ELOVL5: variants seen among roughly 807,000 people sequenced by gnomAD.
ELOVL5 encodes the protein ELOVL fatty acid elongase 5, also known as very long chain fatty acid elongase 5.
A neutral mutation model predicts 38.6 loss-of-function variants in ELOVL5; 8 were observed. The observed-to-expected ratio is 0.21, with a 90% CI of 0.12 to 0.37. The LOEUF (loss-of-function observed/expected upper bound fraction) is 0.37. Among genes scored for constraint, ELOVL5 ranks in the 10% least tolerant of loss-of-function variants. The pLI is 1.00. For missense variants in ELOVL5, 280 were observed against 367.8 expected (o/e 0.76, Z 1.95); for synonymous variants, 127 against 133.7 (o/e 0.95, Z 0.34).
At chr6:53,320,948 C>G (rs1202298210) in intron 1 of ELOVL5, among the ~76,000 whole-genome samples, 1 of 152,064 alleles carries the variant, frequency 6.6e-6, no homozygotes, top group African/African-American at 2.4e-5. Context: ...AGTAAGGTGG[C>G]CAGAAGGATC....
At chr6:53,298,015 A>G (rs922273958) in intron 1 of ELOVL5, among the ~76,000 whole-genome samples, 4 of 152,362 alleles carry the variant, frequency 2.6e-5, no homozygotes, top group Admixed American at 2.6e-4. Context: ...AGGTGGGTTC[A>G]GGAAGAGCAC....
At chr6:53,271,437 C>T (rs1464713047) in intron 6 of ELOVL5, among the ~76,000 whole-genome samples, 1 of 152,152 alleles carries the variant, frequency 6.6e-6, no homozygotes, top group Non-Finnish European at 1.5e-5. Context: ...GTAGTCCCAG[C>T]TACTTGGGAG....
intron 1 of ELOVL5, among the ~76,000 whole-genome samples, chr6:53,339,025 A>T (rs972099181): frequency 3.4e-5 from 5 of 146,088 alleles, no homozygotes; most frequent in Non-Finnish European, 7.6e-5. Flanking sequence ...ACAAAAACAC[A>T]TTTCTTTTTT....
intron 3 of ELOVL5, among the ~76,000 whole-genome samples, chr6:53,283,838 T>C (rs552851769): frequency 5.3e-5 from 8 of 152,272 alleles, no homozygotes; most frequent in African/African-American, 1.9e-4. Context: ...CTTGATAAAA[T>C]ATTATTCAAG....
chr6:53,346,907 T>C (rs1022726908), intron 1 of ELOVL5, among the ~76,000 whole-genome samples: 1 of 152,178 alleles, frequency 6.6e-6, no homozygotes, highest in Non-Finnish European at 1.5e-5. Context: ...AGCTGTTGAT[T>C]TCAGGGAATG....
chr6:53,332,110 C>T (rs1768830141), intron 1 of ELOVL5, among the ~76,000 whole-genome samples: 2 of 152,190 alleles, frequency 1.3e-5, no homozygotes, highest in South Asian at 4.1e-4. Flanking sequence ...GACCCAAACA[C>T]CTCCGAGTAG....
At chr6:53,331,455 G>C (rs1768799197) in intron 1 of ELOVL5, among the ~76,000 whole-genome samples, 1 of 152,166 alleles carries the variant, frequency 6.6e-6, no homozygotes, top group African/African-American at 2.4e-5. Flanking sequence ...TACTTTTATA[G>C]AATTAGCAGT....
At chr6:53,283,812 A>C (rs1041708376) in intron 3 of ELOVL5, among the ~76,000 whole-genome samples, 1 of 152,232 alleles carries the variant, frequency 6.6e-6, no homozygotes, top group Admixed American at 6.5e-5. Flanking sequence ...ATAACTGTTA[A>C]TCTAGAATTC....
In ELOVL5 at chr6:53,288,059, G is replaced by A. The variant is rs936582865; in HGVS notation, c.246+3717C>T. The A allele has an allele frequency of 1.5e-5, 13 of 852,258 alleles. No homozygotes were observed. The African/African-American group carries it at 2.2e-4, about 14-fold the overall frequency. 52.8% of individuals were successfully genotyped at this position (852,258 alleles called of 1,614,324 possible). On this transcript the variant is annotated intron_variant, in intron 3 of 7. Transcript: ENST00000304434. ...TGAGGACAGAGCATCTGCCTAAGAG[G>A]GAAACCACCTGTAACACTCTAACAA...
chr6:53,307,063 T>C (rs1419386702), intron 1 of ELOVL5, among the ~76,000 whole-genome samples: 1 of 152,252 alleles, frequency 6.6e-6, no homozygotes, highest in Non-Finnish European at 1.5e-5. Context: ...TCAGAATGAC[T>C]GCTTTTCAGG....
At chr6:53,316,015 C>T (rs1189118261) in intron 1 of ELOVL5, among the ~76,000 whole-genome samples, 1 of 152,194 alleles carries the variant, frequency 6.6e-6, no homozygotes, top group South Asian at 2.1e-4. Flanking sequence ...AGTTTCCCAA[C>T]TCATAAACAT....
At chr6:53,305,566 T>G (rs1168808113) in intron 1 of ELOVL5, among the ~76,000 whole-genome samples, 3 of 130,796 alleles carry the variant, frequency 2.3e-5, no homozygotes, top group African/African-American at 3.0e-5. Flanking sequence ...CCAGACGGGG[T>G]CGCGGCTGGG....
chr6:53,344,334 C>A (rs1356146094), intron 1 of ELOVL5, among the ~76,000 whole-genome samples: 1 of 152,126 alleles, frequency 6.6e-6, no homozygotes, highest in Non-Finnish European at 1.5e-5. Flanking sequence ...TCACAATTAC[C>A]TCTCTCAAGT....
At chr6:53,303,818 G>A (rs995395977) in intron 1 of ELOVL5, among the ~76,000 whole-genome samples, 2 of 152,162 alleles carry the variant, frequency 1.3e-5, no homozygotes, top group African/African-American at 2.4e-5. Flanking sequence ...CGCTGGAGAA[G>A]GACATCCTTC....
chr6:53,294,492 C>G, intron 2 of ELOVL5: 1 of 1,545,976 alleles, frequency 6.5e-7, no homozygotes, highest in Non-Finnish European at 8.7e-7. Flanking sequence ...CTGCTGATAC[C>G]TGGAAGTGGC....
At chr6:53,285,451 AAG>A (rs1766532033) in intron 3 of ELOVL5, among the ~76,000 whole-genome samples, 1 of 152,232 alleles carries the variant, frequency 6.6e-6, no homozygotes, top group Non-Finnish European at 1.5e-5. Context: ...TTAAGGGAAG[AAG>A]TCATCTCCAT....
chr6:53,333,465 G>A (rs1768896221), intron 1 of ELOVL5, among the ~76,000 whole-genome samples: 1 of 152,188 alleles, frequency 6.6e-6, no homozygotes, highest in African/African-American at 2.4e-5. Flanking sequence ...CGTTAGTAAT[G>A]AGCAGGGCAC....
chr6:53,339,774 G>A (rs1235293783), intron 1 of ELOVL5, among the ~76,000 whole-genome samples: 1 of 152,156 alleles, frequency 6.6e-6, no homozygotes, highest in Non-Finnish European at 1.5e-5. Flanking sequence ...TATGTATTTG[G>A]TATACTATAC....
chr6:53,302,258 G>A (rs1207280414), intron 1 of ELOVL5, among the ~76,000 whole-genome samples: 2 of 152,214 alleles, frequency 1.3e-5, no homozygotes, highest in African/African-American at 2.4e-5. Context: ...GGTGAATCAC[G>A]TGTGGGAGGT....
Sources: allele counts gnomAD v4.1 joint callset (sites outside exome capture counted in the v4.1 genomes callset), GRCh38; gene constraint gnomAD v4.1.1; transcripts MANE v1.5; gene names NCBI Gene and HGNC (gene_info 2026-07-23, HGNC 2026-07-21).